MGA: variants seen among roughly 807,000 people sequenced by gnomAD.
MGA encodes the protein MAX gene-associated protein.
Under a neutral mutation model 261.1 loss-of-function variants are expected in MGA, and 40 were observed. The observed-to-expected ratio is 0.15, with a 90% CI of 0.12 to 0.20. MGA has a LOEUF of 0.20. MGA is among the 10% of genes least tolerant of loss of function. The pLI is 1.00. For synonymous variants in MGA, 1,302 were observed against 1,290.6 expected (o/e 1.01, Z -0.19); for missense variants, 3,397 against 3,630.5 (o/e 0.94, Z 1.65).
rs752063084 is a variant in MGA, at chr15:41,750,534, T to A, written c.6927T>A (p.Asn2309Lys). 6.2e-7 allele frequency: 1 copy of A among 1,613,110 alleles called. No homozygotes were observed. Among genetic ancestry groups the A allele is most frequent in the South Asian group, 1.1e-5 (1 of 90,934 alleles). ...TGGAAGAAGATGATGAAGATGATAA[T>A]GAGAAAACTGATGATTCTATTGATG... is the stretch of plus-strand genomic sequence containing the variant. The change falls in exon 17 of 24, where the codon AAT becomes AAA. Residue 2309 changes from asparagine (N) to lysine (K), a missense_variant. Asn to Lys is a moderately conservative substitution (Grantham distance 94). Transcript: ENST00000219905.
At position 41,757,841 on chromosome 15, in the gene MGA, T is replaced by TA; in HGVS notation, c.7191+3dup. ...AAAGCAGCTGAAAGGAGTCGAAAGG[T>TA]ATTTAGGATATATTTAGTGATAATT... is the stretch of plus-strand genomic sequence containing the variant. On this transcript the variant is annotated splice_region_variant and intron_variant, in intron 19 of 23. Coordinates refer to ENST00000219905, the MANE Select transcript of MGA (RefSeq NM_001164273.2). 6.3e-7 allele frequency: 1 copy of TA among 1,598,194 alleles called. No homozygotes were observed. Among genetic ancestry groups the TA allele is most frequent in the Non-Finnish European group, 8.6e-7 (1 of 1,166,230 alleles).
At position 41,750,214 on chromosome 15, in the gene MGA, A is replaced by G. The variant is rs1481096248; in HGVS notation, c.6607A>G (p.Lys2203Glu). ...GAAAGAGGCAGACGAGCAGTTAATTAAAGAAACAAAGACATGTCAGGAAAA... is the reference window on the plus strand; with the variant it reads ...GAAAGAGGCAGACGAGCAGTTAATTGAAGAAACAAAGACATGTCAGGAAAA... Residue 2203 changes from lysine to glutamate, a missense_variant, in exon 17 of 24, where the codon AAA (lysine) becomes GAA (glutamate). Around this residue, in one of 9 missense-constraint regions of MGA, gnomAD observed 1,410 missense variants for 1,386.4 expected, o/e 1.02. Transcript: ENST00000219905. 1 of 1,613,982 alleles carries G rather than the reference A, an allele frequency of 6.2e-7. No homozygotes were observed. Among genetic ancestry groups the G allele is most frequent in the East Asian group, 2.2e-5 (1 of 44,886 alleles).
Position 41,766,144 on chromosome 15 carries a change from G to A in MGA, c.8062G>A (p.Val2688Ile), listed in dbSNP as rs201470885. The change falls in exon 24 of 24, where the codon GTC (valine) becomes ATC (isoleucine). Residue 2688 changes from valine (V) to isoleucine (I), a missense_variant. Coordinates refer to ENST00000219905, the MANE Select transcript of MGA (RefSeq NM_001164273.2). ...GCCATCTGACCATCTGAAAGACACC[G>A]TCAGGAATGAAGATAATTCCTTAGA... 36 of 1,613,848 alleles carry A rather than the reference G, an allele frequency of 2.2e-5. No individual in the cohort carries two copies. Among genetic ancestry groups the A allele is most frequent in the South Asian group, 6.6e-5 (6 of 91,094 alleles).
chr15:41,689,183 A>T (rs2059127592), intron 2 of MGA, among the ~76,000 whole-genome samples: 1 of 152,126 alleles, frequency 6.6e-6, no homozygotes, highest in African/African-American at 2.4e-5. Context: ...ATGTCCTTCT[A>T]TGTGATATAA....
At chr15:41,697,128 T>C (rs1202690180) in intron 3 of MGA, 105 bp downstream of exon 3, 1 of 1,012,468 alleles carries the variant, frequency 9.9e-7, no homozygotes, top group African/African-American at 1.6e-5. Context: ...TGATATCTAT[T>C]TGTGAGGGTG....
chr15:41,690,126 C>G (rs2059196061), intron 2 of MGA, among the ~76,000 whole-genome samples: 1 of 152,168 alleles, frequency 6.6e-6, no homozygotes. Flanking sequence ...CAATCCAACA[C>G]AACCACCTGT....
intron 2 of MGA, among the ~76,000 whole-genome samples, chr15:41,686,489 T>C (rs1318180907): frequency 6.6e-6 from 1 of 152,172 alleles, no homozygotes. Flanking sequence ...TGAGCCATGG[T>C]TGTACCACTG....
At chr15:41,754,298 C>T (rs536404936) in intron 17 of MGA, 139 bp from the exon 18 acceptor site, 68 of 671,380 alleles carry the variant, frequency 1.0e-4, no homozygotes, top group Non-Finnish European at 1.4e-4. Flanking sequence ...TTATGACTAA[C>T]AATCTTAGGA....
Position 41,710,711 on chromosome 15 carries a change from C to A in MGA, c.2446C>A (p.Leu816Met). 6.2e-7 allele frequency: 1 copy of A among 1,601,346 alleles called. No homozygotes were observed. Among genetic ancestry groups the A allele is most frequent in the Admixed American group, 1.8e-5 (1 of 56,782 alleles). Residue 816 changes from leucine to methionine, a missense_variant, in exon 8 of 24, where the codon CTG becomes ATG. Physicochemically the swap from Leu to Met is conservative, Grantham distance 15. This residue lies in a region of MGA where 519 missense variants were observed against 554.1 expected (regional missense o/e 0.94). Coordinates refer to ENST00000219905, the MANE Select transcript of MGA (RefSeq NM_001164273.2). The stretch of plus-strand genomic sequence containing the variant: ...TCTAGGTGGAAATTCAGAAAGTTCA[C>A]TGAAAAATCGTTCTGCTTTCTGTAG...
intron 9 of MGA, among the ~76,000 whole-genome samples, chr15:41,717,366 GA>G (rs531599920): frequency 1.1e-4 from 16 of 151,420 alleles, no homozygotes; most frequent in African/African-American, 3.1e-4. Flanking sequence ...ACAATATAAA[GA>G]AAAAAAATCA....
chr15:41,767,205 G>C lies in MGA; in HGVS notation c.9123G>C (p.Lys3041Asn). 1 of 1,614,008 alleles carries C rather than the reference G, an allele frequency of 6.2e-7. No homozygotes were observed. The highest frequency in any genetic ancestry group is 1.1e-5 in the South Asian group (1 of 91,086). Reference sequence around the variant, plus strand: ...ATGACCAGGAAGGCCGGGAAAGCAAGGTGATGCCTACATTGGCACCTGTTG... The same window carrying C: ...ATGACCAGGAAGGCCGGGAAAGCAACGTGATGCCTACATTGGCACCTGTTG... The change falls in exon 24 of 24, where the codon AAG (lysine) becomes AAC (asparagine). Residue 3041 changes from lysine (K) to asparagine (N), a missense_variant. Transcript: ENST00000219905.
chr15:41,629,559 T>A (rs540352032), intron 1 of MGA, among the ~76,000 whole-genome samples: 1 of 151,814 alleles, frequency 6.6e-6, no homozygotes. Flanking sequence ...TGAGACCTTG[T>A]CTCTATAAAG....
intron 1 of MGA, among the ~76,000 whole-genome samples, chr15:41,665,249 T>C (rs1243789436): frequency 6.6e-6 from 1 of 152,220 alleles, no homozygotes; most frequent in Non-Finnish European, 1.5e-5. Context: ...GACTAATAAG[T>C]GGCTGAATTT....
intron 2 of MGA, 131 bp downstream of exon 2, chr15:41,670,089 A>G: frequency 1.4e-6 from 1 of 721,110 alleles, no homozygotes; most frequent in Non-Finnish European, 2.2e-6. Context: ...ATATACTACA[A>G]CTGCTTTTAC....
rs571435137 is a variant in MGA, at chr15:41,675,035, A to G, written c.1064+5077A>G. Reference sequence around the variant, plus strand: ...CCTCCTTACATAAATCTGTTAAGTTATTCTCCTATTGATGTATATTTGGAT... The same window carrying G: ...CCTCCTTACATAAATCTGTTAAGTTGTTCTCCTATTGATGTATATTTGGAT... On this transcript the variant is annotated intron_variant, in intron 2 of 23. Transcript: ENST00000219905. Among the ~76,000 whole-genome samples the G allele has an allele frequency of 3.0e-4, 46 of 152,344 alleles. 1 individual carries two copies. Among genetic ancestry groups the G allele is most frequent in the African/African-American group, 1.0e-3 (43 of 41,586 alleles).
rs17677811 is a variant in MGA at position 41,729,314 on chromosome 15, T to C, written c.3808T>C (p.Cys1270Arg). 0.049 allele frequency: 78,822 copies of C among 1,613,870 alleles called. 2,218 individuals carry two copies. The highest frequency in any genetic ancestry group is 0.059 in the Non-Finnish European group (69,822 of 1,179,802). ...TCCATCATTTCAGCAGCAAACTTCA[T>C]GTCATTCTAGCCCTGAGAACCATAA... Residue 1270 changes from cysteine to arginine, a missense_variant, in exon 11 of 24, where the codon TGT (cysteine) becomes CGT (arginine). Transcript: ENST00000219905.
At chr15:41,704,066 G>A (rs8040094) in intron 5 of MGA, among the ~76,000 whole-genome samples, 37,998 of 152,030 alleles carry the variant, frequency 0.25, 5,245 homozygotes, top group Middle Eastern at 0.43. Flanking sequence ...GCCCGCCTTG[G>A]CCTCCTGAAG....
At chr15:41,627,235 A>T (rs2056477657) in intron 1 of MGA, among the ~76,000 whole-genome samples, 1 of 152,192 alleles carries the variant, frequency 6.6e-6, no homozygotes, top group Non-Finnish European at 1.5e-5. Context: ...ATGATACATT[A>T]TTATTAACGA....
At chr15:41,682,301 C>T (rs1169948780) in intron 2 of MGA, among the ~76,000 whole-genome samples, 1 of 151,972 alleles carries the variant, frequency 6.6e-6, no homozygotes, top group African/African-American at 2.4e-5. Context: ...ACATATTCAT[C>T]TATTGAAAGT....
Sources: gnomAD v4.1 joint callset for allele counts (sites outside exome capture counted in the v4.1 genomes callset) on GRCh38, gnomAD v4.1.1 for gene constraint, gnomAD v4.1.1 regional missense constraint, MANE v1.5 for transcripts, NCBI Gene and HGNC (gene_info 2026-07-23, HGNC 2026-07-21) for gene names.